The following PLXDC2 variants were observed in gnomAD, a reference collection of about 807,000 sequenced individuals.
PLXDC2 encodes plexin domain containing 2, also known as plexin domain-containing protein 2.
In PLXDC2, 40 loss-of-function variants were observed where a neutral mutation model predicts 68.9. The ratio of observed to expected loss-of-function variants is 0.58; its 90% CI spans 0.45 to 0.76. PLXDC2 has a LOEUF of 0.76. PLXDC2 is among the 30% of genes least tolerant of loss of function. PLXDC2 has a pLI of 0.00. For synonymous variants in PLXDC2, 243 were observed against 234.2 expected, an observed-to-expected ratio of 1.04 and a Z score of -0.34; for missense variants, 644 against 661.9, an observed-to-expected ratio of 0.97 and a Z score of 0.30.
chr10:20,159,284 A>G (rs1002111778), intron 6 of PLXDC2, among the ~76,000 whole-genome samples: 21 of 152,176 alleles, frequency 1.4e-4, no homozygotes, highest in African/African-American at 5.1e-4. Context: ...ATTCCTGATG[A>G]AAACACCATT....
intron 1 of PLXDC2, among the ~76,000 whole-genome samples, chr10:19,840,709 T>C (rs1436043648): frequency 6.6e-6 from 1 of 152,088 alleles, no homozygotes; most frequent in Non-Finnish European, 1.5e-5. Flanking sequence ...AACAAATTAC[T>C]AGGAAAGGAC....
At chr10:20,181,799 G>A (rs565338144) in intron 9 of PLXDC2, among the ~76,000 whole-genome samples, 13 of 152,124 alleles carry the variant, frequency 8.5e-5, no homozygotes, top group Admixed American at 2.6e-4. Flanking sequence ...CAGAATAATG[G>A]AAAGCATTTA....
chr10:19,910,421 A>C (rs1833245282), intron 1 of PLXDC2, among the ~76,000 whole-genome samples: 1 of 151,762 alleles, frequency 6.6e-6, no homozygotes, highest in Non-Finnish European at 1.5e-5. Flanking sequence ...TACTACTATT[A>C]TAATCACTAT....
chr10:19,866,274 G>A (rs1375107623), intron 1 of PLXDC2, among the ~76,000 whole-genome samples: 1 of 152,162 alleles, frequency 6.6e-6, no homozygotes, highest in Non-Finnish European at 1.5e-5. Context: ...TTGTTGAAAT[G>A]CTGTATTCCT....
rs1833914487 is a variant in PLXDC2, at chr10:19,947,149, A to T, written c.113-54626A>T. Reference sequence around the variant, plus strand: ...CAAATGACCTATAGAAGCTAAAAAAAGCAAAGACAGCAACAACAAAAAATT... The same window carrying T: ...CAAATGACCTATAGAAGCTAAAAAATGCAAAGACAGCAACAACAAAAAATT... On this transcript the variant is annotated intron_variant, in intron 1 of 13. Coordinates refer to ENST00000377252, the MANE Select transcript of PLXDC2 (RefSeq NM_032812.9). 2.0e-5 allele frequency among the ~76,000 whole-genome samples: 3 copies of T among 152,216 alleles called. 1 individual carries two copies. The highest frequency in any genetic ancestry group is 7.2e-5 in the African/African-American group (3 of 41,458).
At chr10:19,925,174 G>A (rs1478744060) in intron 1 of PLXDC2, among the ~76,000 whole-genome samples, 4 of 152,204 alleles carry the variant, frequency 2.6e-5, no homozygotes, top group African/African-American at 4.8e-5. Flanking sequence ...CCTAGGTCCT[G>A]CAGGAAAGTC....
In PLXDC2 at chr10:20,081,638, A is replaced by G. The variant is rs377708738; in HGVS notation, c.541+13399A>G. Among the ~76,000 whole-genome samples, 186 of 152,312 alleles carry G rather than the reference A, an allele frequency of 1.2e-3. 1 individual carries two copies. The highest frequency in any genetic ancestry group is 4.1e-3 in the African/African-American group (171 of 41,568). ...AATCACCAAAAAACCACATGTAGGC[A>G]TATTATTTGCCAACAAACAAACAAA... On this transcript the variant is annotated intron_variant, in intron 4 of 13. Transcript: ENST00000377252.
intron 2 of PLXDC2, among the ~76,000 whole-genome samples, chr10:20,017,141 G>A (rs7095635): frequency 0.012 from 1,754 of 152,284 alleles, 30 homozygotes; most frequent in African/African-American, 0.034. Flanking sequence ...ACTGATTCCC[G>A]TTGGTGTCAG....
At chr10:19,822,956 C>T (rs2131995959) in intron 1 of PLXDC2, among the ~76,000 whole-genome samples, 1 of 151,878 alleles carries the variant, frequency 6.6e-6, no homozygotes, top group Non-Finnish European at 1.5e-5. Context: ...CGCTGTTTCT[C>T]CCAGTCTGGA....
At chr10:19,846,430 G>A (rs992554906) in intron 1 of PLXDC2, among the ~76,000 whole-genome samples, 4 of 152,090 alleles carry the variant, frequency 2.6e-5, no homozygotes, top group African/African-American at 9.7e-5. Context: ...GATGGGTTAT[G>A]AATGAATGAC....
intron 3 of PLXDC2, among the ~76,000 whole-genome samples, chr10:20,059,552 G>GA (rs768010127): frequency 6.6e-6 from 1 of 152,178 alleles, no homozygotes; most frequent in Non-Finnish European, 1.5e-5. Flanking sequence ...GTTCTGCTAT[G>GA]AAAAAAGTGC....
In PLXDC2 at chr10:19,876,867, A is replaced by T. The variant is rs116385665; in HGVS notation, c.112+59676A>T. On this transcript the variant is annotated intron_variant, in intron 1 of 13. Transcript: ENST00000377252. ...CTTTTGGCTAGCTTAAAGTTGTTAA[A>T]CTCAGATGTTTCATAGGTGTTATTA... Among the ~76,000 whole-genome samples the T allele has an allele frequency of 5.1e-3, 776 of 152,242 alleles. 6 individuals are homozygous for T. The highest frequency in any genetic ancestry group is 0.017 in the African/African-American group (686 of 41,538).
intron 1 of PLXDC2, among the ~76,000 whole-genome samples, chr10:19,849,894 A>T (rs1837082471): frequency 6.6e-6 from 1 of 152,062 alleles, no homozygotes; most frequent in Non-Finnish European, 1.5e-5. Context: ...TGCAGTAGAG[A>T]TTTTCCAAAG....
chr10:20,036,085 G>C (rs1835572536), intron 2 of PLXDC2, among the ~76,000 whole-genome samples: 1 of 152,138 alleles, frequency 6.6e-6, no homozygotes, highest in African/African-American at 2.4e-5. Context: ...TCTGGCATCT[G>C]GGGCTTTTTT....
intron 1 of PLXDC2, among the ~76,000 whole-genome samples, chr10:19,965,471 A>G (rs913806044): frequency 5.3e-5 from 8 of 152,114 alleles, no homozygotes; most frequent in Non-Finnish European, 1.2e-4. Context: ...CTTTTAATAT[A>G]ACTTACTTTC....
At chr10:19,928,015 C>T (rs1056536466) in intron 1 of PLXDC2, among the ~76,000 whole-genome samples, 1 of 152,146 alleles carries the variant, frequency 6.6e-6, no homozygotes, top group African/African-American at 2.4e-5. Context: ...GCACCCATAG[C>T]TTAGCTCCCA....
At chr10:20,059,015 G>A (rs1836052134) in intron 3 of PLXDC2, among the ~76,000 whole-genome samples, 1 of 152,202 alleles carries the variant, frequency 6.6e-6, no homozygotes, top group Admixed American at 6.5e-5. Context: ...GGGCTCAGGA[G>A]GCAGTATCAG....
chr10:20,026,444 T>C (rs2358660), intron 2 of PLXDC2, among the ~76,000 whole-genome samples: 107,196 of 152,040 alleles, frequency 0.71, 38,717 homozygotes, highest in East Asian at 0.9. Flanking sequence ...TTTAATCATG[T>C]GATTTATCTC....
chr10:20,224,198 T>G (rs997676016), intron 12 of PLXDC2, among the ~76,000 whole-genome samples: 1 of 152,092 alleles, frequency 6.6e-6, no homozygotes, highest in Non-Finnish European at 1.5e-5. Context: ...GATCTCAAAC[T>G]CTTGACCTCG....
Sources: gnomAD v4.1 joint callset for allele counts (sites outside exome capture counted in the v4.1 genomes callset) on GRCh38, gnomAD v4.1.1 for gene constraint, MANE v1.5 for transcripts, NCBI Gene and HGNC (gene_info 2026-07-23, HGNC 2026-07-21) for gene names.